HNF4G: variants seen among roughly 807,000 people sequenced by gnomAD.
HNF4G encodes hepatocyte nuclear factor 4-gamma.
Under a neutral mutation model 50.9 loss-of-function variants are expected in HNF4G, and 21 were observed. The observed-to-expected ratio is 0.41, with a 90% CI of 0.29 to 0.59. The LOEUF is 0.59. HNF4G is among the 20% of genes least tolerant of loss of function. HNF4G has a pLI of 0.26. For missense variants in HNF4G, 527 were observed against 559.4 expected, an observed-to-expected ratio of 0.94 and a Z score of 0.58; for synonymous variants, 198 against 185.6, an observed-to-expected ratio of 1.07 and a Z score of -0.54.
At chr8:75,443,203 C>T (rs1811329400) in intron 1 of HNF4G, among the ~76,000 whole-genome samples, 1 of 152,126 alleles carries the variant, frequency 6.6e-6, no homozygotes. Context: ...TCTGCTGGTA[C>T]TTTGATCTTG....
chr8:75,545,394 T>G (rs1806746583), intron 2 of HNF4G, among the ~76,000 whole-genome samples: 1 of 152,034 alleles, frequency 6.6e-6, no homozygotes, highest in African/African-American at 2.4e-5. Flanking sequence ...CAGAGCAGCT[T>G]TTAGAGGTTT....
chr8:75,526,657 C>T (rs557823866), intron 2 of HNF4G, among the ~76,000 whole-genome samples: 24 of 152,126 alleles, frequency 1.6e-4, no homozygotes, highest in African/African-American at 5.5e-4. Flanking sequence ...CCTCAAGCCT[C>T]CCAAGTAGCT....
chr8:75,553,781 A>G (rs774952807), intron 5 of HNF4G, among the ~76,000 whole-genome samples: 3 of 152,202 alleles, frequency 2.0e-5, no homozygotes, highest in Admixed American at 1.3e-4. Flanking sequence ...TCAGAAATTT[A>G]TAGAGAAATA....
chr8:75,416,602 T>C (rs989561689), intron 1 of HNF4G, among the ~76,000 whole-genome samples: 1 of 152,130 alleles, frequency 6.6e-6, no homozygotes. Flanking sequence ...TTATGTTTAA[T>C]ATGCTCATAC....
chr8:75,493,546 G>T (rs1341415504), intron 2 of HNF4G, among the ~76,000 whole-genome samples: 1 of 151,936 alleles, frequency 6.6e-6, no homozygotes, highest in Non-Finnish European at 1.5e-5. Context: ...AGTTGGAAAA[G>T]TTAAAAAAAA....
At chr8:75,480,355 C>A (rs771703644) in intron 1 of HNF4G, among the ~76,000 whole-genome samples, 1 of 152,212 alleles carries the variant, frequency 6.6e-6, no homozygotes, top group South Asian at 2.1e-4. Context: ...GCAGCCCAGG[C>A]TGAATCCTGT....
intron 1 of HNF4G, among the ~76,000 whole-genome samples, chr8:75,459,370 T>C (rs2130601637): frequency 6.6e-6 from 1 of 152,312 alleles, no homozygotes; most frequent in South Asian, 2.1e-4. Context: ...AATTTTAAAC[T>C]TGTGCCTAAA....
At chr8:75,528,922 T>C (rs1294154743) in intron 2 of HNF4G, among the ~76,000 whole-genome samples, 4 of 152,062 alleles carry the variant, frequency 2.6e-5, no homozygotes, top group African/African-American at 7.2e-5. Context: ...CTTACAATCA[T>C]GGCAGAAGGC....
chr8:75,429,978 C>A (rs142765350), intron 1 of HNF4G, among the ~76,000 whole-genome samples: 166 of 151,970 alleles, frequency 1.1e-3, no homozygotes, highest in African/African-American at 3.6e-3. Flanking sequence ...AGTGAAACCT[C>A]GTCTCTACTA....
intron 1 of HNF4G, among the ~76,000 whole-genome samples, chr8:75,432,467 A>G (rs1811037109): frequency 6.6e-6 from 1 of 151,782 alleles, no homozygotes; most frequent in Non-Finnish European, 1.5e-5. Flanking sequence ...CGTCTGGCTA[A>G]TTTTTGTATT....
intron 1 of HNF4G, among the ~76,000 whole-genome samples, chr8:75,470,544 T>C (rs1188452658): frequency 6.6e-6 from 1 of 152,280 alleles, no homozygotes; most frequent in East Asian, 1.9e-4. Flanking sequence ...CCTTGGCAAA[T>C]AGGACACATT....
chr8:75,541,532 G>T (rs941997070), intron 1 of HNF4G, among the ~76,000 whole-genome samples: 1 of 151,814 alleles, frequency 6.6e-6, no homozygotes, highest in African/African-American at 2.4e-5. Context: ...TCTACTTCAT[G>T]AAATTATATA....
intron 2 of HNF4G, among the ~76,000 whole-genome samples, chr8:75,503,156 T>C (rs943609930): frequency 6.6e-6 from 1 of 152,128 alleles, no homozygotes; most frequent in African/African-American, 2.4e-5. Flanking sequence ...CAATTTTCTG[T>C]GGTAAAGGAA....
At chr8:75,517,598 A>T (rs1446680050) in intron 2 of HNF4G, among the ~76,000 whole-genome samples, 2 of 152,186 alleles carry the variant, frequency 1.3e-5, no homozygotes, top group African/African-American at 4.8e-5. Flanking sequence ...ATCCCCTTTG[A>T]CTACATGTCT....
At chr8:75,518,316 A>G (rs1805947512) in intron 2 of HNF4G, among the ~76,000 whole-genome samples, 1 of 151,902 alleles carries the variant, frequency 6.6e-6, no homozygotes, top group Non-Finnish European at 1.5e-5. Flanking sequence ...GAAGGACAGG[A>G]ACTCATCATT....
chr8:75,463,733 C>T (rs1811905270), intron 1 of HNF4G, among the ~76,000 whole-genome samples: 1 of 149,632 alleles, frequency 6.7e-6, no homozygotes. Context: ...TACAGTTTTC[C>T]TATAACCACC....
intron 2 of HNF4G, among the ~76,000 whole-genome samples, chr8:75,497,290 G>A (rs183368433): frequency 3.3e-5 from 5 of 152,252 alleles, no homozygotes; most frequent in African/African-American, 9.6e-5. Flanking sequence ...AGTCATAACT[G>A]CTGGACACAT....
At position 75,498,488 on chromosome 8, in the gene HNF4G, A is replaced by G. The variant is rs139048481; in HGVS notation, c.-24+8280A>G. Among the ~76,000 whole-genome samples, 40 of 152,256 alleles carry G rather than the reference A, an allele frequency of 2.6e-4. No individual in the cohort carries two copies. In the East Asian group the frequency reaches 6.8e-3, roughly 26 times the overall value. On this transcript the variant is annotated intron_variant, in intron 2 of 10. Coordinates refer to the HNF4G transcript ENST00000354370. Reference sequence around the variant, plus strand: ...AATTCGAGCAAGTATTTAAAGACAAATTGTCACAAATCCTTTGAAAACACT... The same window carrying G: ...AATTCGAGCAAGTATTTAAAGACAAGTTGTCACAAATCCTTTGAAAACACT...
At chr8:75,426,826 T>A (rs567142461) in intron 1 of HNF4G, among the ~76,000 whole-genome samples, 1 of 152,288 alleles carries the variant, frequency 6.6e-6, no homozygotes, top group South Asian at 2.1e-4. Flanking sequence ...GATCGAATTA[T>A]GTTAATGTTT....
Sources: allele counts gnomAD v4.1 joint callset (sites outside exome capture counted in the v4.1 genomes callset), GRCh38; gene constraint gnomAD v4.1.1; transcripts MANE v1.5; gene names NCBI Gene and HGNC (gene_info 2026-07-23, HGNC 2026-07-21).